Variants in MYO10 observed in about 807,000 individuals in gnomAD.
The protein encoded by MYO10 is myosin X.
MYO10 carries 133 observed loss-of-function variants against 257.3 expected under a neutral mutation model. The ratio of observed to expected loss-of-function variants is 0.52; its 90% CI spans 0.45 to 0.60. The LOEUF (loss-of-function observed/expected upper bound fraction) is 0.60. Ranked by LOEUF, MYO10 falls within the 20% of genes least tolerant of loss-of-function variation. MYO10 has a pLI of 0.00. For missense variants in MYO10, 2,399 were observed against 2,635.7 expected (o/e 0.91, Z 1.97); for synonymous variants, 1,104 against 1,028.6 (o/e 1.07, Z -1.40).
At position 16,701,044 on chromosome 5, in the gene MYO10, C is replaced by A. The variant is rs565951955; in HGVS notation, c.3351G>T (p.Trp1117Cys). ...CCACAGAGCAGCGGTAGTCGGGGGA[C>A]CACTGGCTGCCGTAGGAGTTGGAGA... The part of the protein sequence containing the change: ...VTFSNSYGSQ[W>C]SPDYRCSVGT... Residue 1117 changes from tryptophan to cysteine, a missense_variant, in exon 25 of 41, where the codon TGG becomes TGT. Trp to Cys is a radical substitution (Grantham distance 215). This residue lies in a region of MYO10 where 1,820 missense variants were observed against 1,939.4 expected (regional missense o/e 0.94). Transcript: ENST00000513610. This position sits in a 1 kb window ranked among gnomAD's most constrained non-coding sequence, Gnocchi z 8.1. 1.0e-5 allele frequency: 16 copies of A among 1,564,824 alleles called. No individual in the cohort carries two copies. In the South Asian group the frequency reaches 1.8e-4, roughly 17 times the overall value.
chr5:16,714,018 C>T (rs575955872), intron 19 of MYO10, among the ~76,000 whole-genome samples: 28 of 152,156 alleles, frequency 1.8e-4, no homozygotes, highest in Non-Finnish European at 3.5e-4. Context: ...TGAATATTTA[C>T]TGAACACCTA....
intron 2 of MYO10, among the ~76,000 whole-genome samples, chr5:16,862,384 G>A (rs1184088089): frequency 6.6e-6 from 1 of 152,068 alleles, no homozygotes; most frequent in African/African-American, 2.4e-5. Context: ...TTTTTGAAAC[G>A]GAATGCAACT....
intron 10 of MYO10, 23 bp from the exon 11 acceptor site, chr5:16,766,221 G>C (rs1560973436): frequency 6.3e-7 from 1 of 1,576,892 alleles, no homozygotes; most frequent in East Asian, 2.2e-5. Flanking sequence ...AGACAAAGGT[G>C]AATGAACCCA....
At chr5:16,862,918 C>T (rs1744147288) in intron 2 of MYO10, among the ~76,000 whole-genome samples, 1 of 152,162 alleles carries the variant, frequency 6.6e-6, no homozygotes, top group Admixed American at 6.5e-5. Flanking sequence ...AACAGGCTTA[C>T]ACAGGACTAA....
chr5:16,762,068 CA>C lies in MYO10; in HGVS notation c.1632del (p.Phe544LeufsTer3). 1.4e-6 allele frequency: 2 copies of C among 1,476,882 alleles called. No individual in the cohort carries two copies. The allele number at this position is 1,476,882 out of a possible 1,614,324, so 91.5% of individuals were successfully genotyped here. Reference sequence around the variant, plus strand: ...ACCTCTCCAGCATAGTGCTTCACTCCAAAATTGTTAACTGCAACTCTGGGCT... The same window carrying C: ...ACCTCTCCAGCATAGTGCTTCACTCCAAATTGTTAACTGCAACTCTGGGCT... Reference protein sequence around the residue: ...YVKPRVAVNNFGVKHYAGEVQ... With the variant: ...YVKPRVAVNNXGVKHYAGEVQ... On this transcript the variant is annotated frameshift_variant, in exon 16 of 41. Transcript: ENST00000513610. LOFTEE classifies it high-confidence loss of function.
At chr5:16,918,542 G>A (rs1294689321) in intron 1 of MYO10, among the ~76,000 whole-genome samples, 1 of 99,244 alleles carries the variant, frequency 1.0e-5, no homozygotes, top group Non-Finnish European at 1.9e-5. Flanking sequence ...CGCTCTTGTT[G>A]CCCAGACTGG....
chr5:16,913,536 G>GC (rs1745731240), intron 1 of MYO10, among the ~76,000 whole-genome samples: 1 of 152,166 alleles, frequency 6.6e-6, no homozygotes. Context: ...TTGCAAAACT[G>GC]CATCTGCCAC....
chr5:16,772,002 C>A (rs538895727), intron 9 of MYO10, among the ~76,000 whole-genome samples: 3 of 151,202 alleles, frequency 2.0e-5, no homozygotes, highest in African/African-American at 7.3e-5. Flanking sequence ...AGGAAAATTT[C>A]AAGAAAAGAA....
At chr5:16,919,060 T>A (rs1745906336) in intron 1 of MYO10, among the ~76,000 whole-genome samples, 1 of 151,152 alleles carries the variant, frequency 6.6e-6, no homozygotes, top group South Asian at 2.1e-4. Flanking sequence ...TTCCACACAG[T>A]CTCTATTCTT....
chr5:16,880,265 G>A (rs1379170773), intron 1 of MYO10, among the ~76,000 whole-genome samples: 1 of 152,008 alleles, frequency 6.6e-6, no homozygotes, highest in African/African-American at 2.4e-5. Flanking sequence ...GTCACTCTTT[G>A]TTTGATGAAT....
chr5:16,832,401 T>C (rs1244134972), intron 2 of MYO10, among the ~76,000 whole-genome samples: 5 of 152,204 alleles, frequency 3.3e-5, no homozygotes, highest in African/African-American at 1.2e-4. Flanking sequence ...AAATGAGCAT[T>C]GTAGAACAGC....
At chr5:16,670,446 C>A in intron 39 of MYO10, 80 bp downstream of exon 39, 1 of 1,301,662 alleles carries the variant, frequency 7.7e-7, no homozygotes. Context: ...CTTGTCTTCT[C>A]TCCACATGAA....
At chr5:16,760,046 T>C (rs1740657720) in intron 17 of MYO10, among the ~76,000 whole-genome samples, 1 of 141,206 alleles carries the variant, frequency 7.1e-6, no homozygotes, top group African/African-American at 2.5e-5. Context: ...CTTCCTTAGA[T>C]ATAAACATGT....
chr5:16,765,952 T>C (rs889227889), intron 11 of MYO10, 128 bp downstream of exon 11: 9 of 661,812 alleles, frequency 1.4e-5, no homozygotes, highest in Non-Finnish European at 2.4e-5. Flanking sequence ...CATGAACCAG[T>C]CATTTGAACA....
chr5:16,697,314 AT>A, intron 26 of MYO10, among the ~76,000 whole-genome samples: 1 of 152,334 alleles, frequency 6.6e-6, no homozygotes, highest in Non-Finnish European at 1.5e-5. Context: ...CAGAAAAAAA[AT>A]ATTGAAGATA....
chr5:16,716,590 C>G (rs1738884023), intron 19 of MYO10, among the ~76,000 whole-genome samples: 1 of 148,902 alleles, frequency 6.7e-6, no homozygotes, highest in African/African-American at 2.5e-5. Context: ...AAAGAAAATA[C>G]AGTGAGTTTA....
At chr5:16,681,161 C>T in intron 32 of MYO10, 148 bp downstream of exon 32, 1 of 842,172 alleles carries the variant, frequency 1.2e-6, no homozygotes, top group East Asian at 2.7e-5. Context: ...ACATAGCTAA[C>T]CCCAGACAGG....
At chr5:16,738,671 T>A (rs1360536010) in intron 19 of MYO10, among the ~76,000 whole-genome samples, 1 of 151,904 alleles carries the variant, frequency 6.6e-6, no homozygotes, top group African/African-American at 2.4e-5. Context: ...GGCGGGTGGA[T>A]CATGAGGTCA....
intron 2 of MYO10, among the ~76,000 whole-genome samples, chr5:16,827,781 G>T (rs1361284488): frequency 6.6e-6 from 1 of 152,158 alleles, no homozygotes; most frequent in African/African-American, 2.4e-5. Flanking sequence ...GCCAAGCAGA[G>T]GGAACGGGTT....
Sources: gnomAD v4.1 joint callset for allele counts (sites outside exome capture counted in the v4.1 genomes callset) on GRCh38, gnomAD v4.1.1 for gene constraint, gnomAD v4.1.1 regional missense constraint, Gnocchi (gnomAD v3.1) non-coding constraint, MANE v1.5 for transcripts, NCBI Gene and HGNC (gene_info 2026-07-23, HGNC 2026-07-21) for gene names.